Variants in TENM3 observed in about 807,000 individuals in gnomAD.
The protein encoded by TENM3 is teneurin-3.
A neutral mutation model predicts 255.1 loss-of-function variants in TENM3; 63 were observed. That is an observed-to-expected ratio of 0.25 (90% confidence interval 0.20 to 0.30). The LOEUF (loss-of-function observed/expected upper bound fraction) is 0.30. TENM3 is among the 10% of genes least tolerant of loss of function. The probability of loss-of-function intolerance (pLI) is 1.00; values close to 1 mark genes in which losing one functional copy is unlikely to be tolerated. For synonymous variants in TENM3, 1,306 were observed against 1,322.3 expected, an observed-to-expected ratio of 0.99 and a Z score of 0.27; for missense variants, 2,929 against 3,461.1, an observed-to-expected ratio of 0.85 and a Z score of 3.86.
the TENM3 span, among the ~76,000 whole-genome samples, chr4:181,955,528 T>C: frequency 6.6e-6 from 1 of 152,226 alleles, no homozygotes; most frequent in South Asian, 2.1e-4. Context: ...TGCAATAGAA[T>C]TACTAGAGGT....
chr4:181,592,193 A>G, the TENM3 span, among the ~76,000 whole-genome samples: 2 of 150,492 alleles, frequency 1.3e-5, no homozygotes, highest in Non-Finnish European at 2.9e-5. Flanking sequence ...TGCCGATTAT[A>G]TGCTTTTAAA....
At chr4:181,918,408 G>T in the TENM3 span, among the ~76,000 whole-genome samples, 18 of 152,044 alleles carry the variant, frequency 1.2e-4, no homozygotes, top group African/African-American at 3.9e-4. Flanking sequence ...TAAACAGTAA[G>T]AAAAGAATAA....
At chr4:181,662,276 T>A in the TENM3 span, among the ~76,000 whole-genome samples, 1 of 152,244 alleles carries the variant, frequency 6.6e-6, no homozygotes. Context: ...CCAGTATTTG[T>A]ATTCAATTCT....
At chr4:182,767,527 G>A (rs915508516) in intron 22 of TENM3, among the ~76,000 whole-genome samples, 2 of 152,084 alleles carry the variant, frequency 1.3e-5, no homozygotes, top group African/African-American at 2.4e-5. Flanking sequence ...TTGAGCCTAC[G>A]CAACTCTGTT....
the TENM3 span, among the ~76,000 whole-genome samples, chr4:181,593,335 C>G: frequency 6.6e-6 from 1 of 152,112 alleles, no homozygotes; most frequent in African/African-American, 2.4e-5. Flanking sequence ...TGGAAATGAA[C>G]GTGGAGTGAA....
At chr4:181,527,322 T>A in the TENM3 span, among the ~76,000 whole-genome samples, 5 of 152,120 alleles carry the variant, frequency 3.3e-5, no homozygotes, top group Admixed American at 3.3e-4. Context: ...AGCTAAAAAG[T>A]TGAGATATTT....
At chr4:181,870,058 C>T in the TENM3 span, among the ~76,000 whole-genome samples, 2 of 152,272 alleles carry the variant, frequency 1.3e-5, no homozygotes, top group Admixed American at 6.5e-5. Flanking sequence ...CCTTGACCTT[C>T]ATTGAAAGGT....
At chr4:181,506,282 A>G in the TENM3 span, among the ~76,000 whole-genome samples, 2 of 152,072 alleles carry the variant, frequency 1.3e-5, no homozygotes, top group South Asian at 4.1e-4. Context: ...TTTCTCACAA[A>G]TCATTCTTAT....
chr4:182,161,191 C>T (rs181168445), intron 1 of TENM3, among the ~76,000 whole-genome samples: 11,379 of 129,762 alleles, frequency 0.088, 1,797 homozygotes, highest in East Asian at 0.41. Context: ...CCGAGGCGGG[C>T]GGATCACGAG....
chr4:182,754,571 C>G lies in TENM3; in HGVS notation c.4204C>G (p.Leu1402Val), dbSNP rs1450292113. The part of the protein sequence containing the change: ...PVGKHAVQTT[L>V]ESATAIAVSY... Reference sequence around the variant, plus strand: ...GGGGAAGCACGCGGTGCAGACAACACTGGAATCAGCCACTGCCATTGCTGT... The same window carrying G: ...GGGGAAGCACGCGGTGCAGACAACAGTGGAATCAGCCACTGCCATTGCTGT... Residue 1402 changes from leucine to valine, a missense_variant, in exon 22 of 28, where the codon CTG (leucine) becomes GTG (valine). Physicochemically the swap from Leu to Val is conservative, Grantham distance 32. Coordinates refer to ENST00000511685, the MANE Select transcript of TENM3 (RefSeq NM_001080477.4). This position sits in a 1 kb window ranked among gnomAD's most constrained non-coding sequence, Gnocchi z 5.1. 1.9e-6 allele frequency: 3 copies of G among 1,613,898 alleles called. No homozygotes were observed. Among genetic ancestry groups the G allele is most frequent in the Non-Finnish European group, 2.5e-6 (3 of 1,179,884 alleles).
At chr4:181,593,116 A>G in the TENM3 span, among the ~76,000 whole-genome samples, 5 of 152,202 alleles carry the variant, frequency 3.3e-5, no homozygotes, top group South Asian at 1.0e-3. Context: ...GATTGTTTAC[A>G]CATTTCCAGT....
chr4:182,577,150 G>A (rs1045122172), intron 3 of TENM3, among the ~76,000 whole-genome samples: 1 of 152,130 alleles, frequency 6.6e-6, no homozygotes, highest in Non-Finnish European at 1.5e-5. Context: ...TTAGCTTATC[G>A]GAAAAACCTT....
At chr4:182,288,443 G>T (rs926021917) in intron 1 of TENM3, among the ~76,000 whole-genome samples, 1 of 152,118 alleles carries the variant, frequency 6.6e-6, no homozygotes, top group South Asian at 2.1e-4. Context: ...ATGTTTACTA[G>T]TTTTCACGTA....
At chr4:182,098,521 G>T in the TENM3 span, among the ~76,000 whole-genome samples, 16 of 152,210 alleles carry the variant, frequency 1.1e-4, no homozygotes, top group African/African-American at 3.6e-4. Flanking sequence ...AATGAAATCC[G>T]GTCATTTGCA....
the TENM3 span, among the ~76,000 whole-genome samples, chr4:181,621,931 T>C: frequency 6.6e-6 from 1 of 152,142 alleles, no homozygotes; most frequent in Non-Finnish European, 1.5e-5. Flanking sequence ...TTCTCACAGT[T>C]CAAATCGAGC....
chr4:181,641,605 GTA>G, the TENM3 span, among the ~76,000 whole-genome samples: 40,614 of 62,590 alleles, frequency 0.65, 13,980 homozygotes, highest in Non-Finnish European at 0.72. Context: ...GTGTGTGTGT[GTA>G]TATATATATA....
chr4:181,913,073 G>A, the TENM3 span, among the ~76,000 whole-genome samples: 1 of 152,096 alleles, frequency 6.6e-6, no homozygotes. Flanking sequence ...CATGGGTGAG[G>A]GTAGGAATAT....
chr4:181,502,980 C>G, the TENM3 span, among the ~76,000 whole-genome samples: 1 of 152,144 alleles, frequency 6.6e-6, no homozygotes, highest in African/African-American at 2.4e-5. Flanking sequence ...CACTCGCTGG[C>G]CGTGACCATT....
intron 1 of TENM3, among the ~76,000 whole-genome samples, chr4:182,254,585 C>T (rs905166121): frequency 1.3e-5 from 2 of 151,994 alleles, no homozygotes; most frequent in Non-Finnish European, 2.9e-5. Flanking sequence ...GCAGAATTTC[C>T]CTTATTTAGG....
Sources: gnomAD v4.1 joint callset for allele counts (sites outside exome capture counted in the v4.1 genomes callset) on GRCh38, gnomAD v4.1.1 for gene constraint, Gnocchi (gnomAD v3.1) non-coding constraint, MANE v1.5 for transcripts, NCBI Gene and HGNC (gene_info 2026-07-23, HGNC 2026-07-21) for gene names.